Variants in TMCO5A observed in about 807,000 individuals in gnomAD.
TMCO5A encodes the protein transmembrane and coiled-coil domain-containing protein 5A.
Under a neutral mutation model 42.3 loss-of-function variants are expected in TMCO5A, and 34 were observed. The ratio of observed to expected loss-of-function variants is 0.80; its 90% CI spans 0.61 to 1.07. The LOEUF (loss-of-function observed/expected upper bound fraction) is 1.07. TMCO5A is among the 50% of genes least tolerant of loss of function. TMCO5A has a pLI of 0.00. For synonymous variants in TMCO5A, 131 were observed against 115.6 expected (o/e 1.13, Z -0.86); for missense variants, 357 against 327.9 (o/e 1.09, Z -0.69).
intron 8 of TMCO5A, 33 bp downstream of exon 8, chr15:37,941,763 T>C: frequency 6.5e-7 from 1 of 1,536,132 alleles, no homozygotes; most frequent in Non-Finnish European, 9.0e-7. Flanking sequence ...TAGCAAAGGG[T>C]TTATTAAGGT....
At chr15:38,035,210 A>T in the TMCO5A span, among the ~76,000 whole-genome samples, 9 of 152,228 alleles carry the variant, frequency 5.9e-5, no homozygotes, top group Non-Finnish European at 1.3e-4. Flanking sequence ...ACATCCAAAC[A>T]TATGCAAGTA....
the TMCO5A span, among the ~76,000 whole-genome samples, chr15:38,020,924 G>C: frequency 6.6e-6 from 1 of 152,052 alleles, no homozygotes; most frequent in African/African-American, 2.4e-5. Context: ...ACTGTGGATG[G>C]ATCAGCAATA....
chr15:37,940,121 T>C (rs546202076), intron 6 of TMCO5A, among the ~76,000 whole-genome samples: 1 of 152,122 alleles, frequency 6.6e-6, no homozygotes, highest in East Asian at 1.9e-4. Flanking sequence ...CTACTCTCAC[T>C]CCCAAACAAT....
At chr15:37,993,292 G>A in the TMCO5A span, 2 of 150,868 alleles carry the variant, frequency 1.3e-5, no homozygotes, top group Admixed American at 6.6e-5. Context: ...GATGTTTCTT[G>A]TTGAAAATTG....
chr15:38,008,105 C>T, the TMCO5A span, among the ~76,000 whole-genome samples: 1 of 151,646 alleles, frequency 6.6e-6, no homozygotes, highest in African/African-American at 2.4e-5. Flanking sequence ...CCATGTTAGC[C>T]GGGATGGTCT....
At chr15:38,022,734 G>A in the TMCO5A span, among the ~76,000 whole-genome samples, 2 of 152,082 alleles carry the variant, frequency 1.3e-5, no homozygotes, top group African/African-American at 4.8e-5. Flanking sequence ...GTTGATAATG[G>A]GGGAGGTTAT....
the TMCO5A span, among the ~76,000 whole-genome samples, chr15:38,025,890 CA>C: frequency 6.6e-6 from 1 of 152,200 alleles, no homozygotes; most frequent in South Asian, 2.1e-4. Context: ...ATGCTTTTAT[CA>C]GGGGTTTCTG....
intron 10 of TMCO5A, among the ~76,000 whole-genome samples, chr15:37,946,762 T>C (rs779792807): frequency 6.6e-6 from 1 of 152,076 alleles, no homozygotes; most frequent in Admixed American, 6.6e-5. Flanking sequence ...ACTGAGATGA[T>C]GGGGTTTTCT....
the TMCO5A span, among the ~76,000 whole-genome samples, chr15:37,972,989 T>C: frequency 6.6e-6 from 1 of 152,158 alleles, no homozygotes; most frequent in Non-Finnish European, 1.5e-5. Flanking sequence ...TTAATCTTCT[T>C]CACAGGGCTA....
chr15:37,938,200 A>G lies in TMCO5A; in HGVS notation c.358A>G (p.Ser120Gly), dbSNP rs1226996899. 1 of 1,582,510 alleles carries G rather than the reference A, an allele frequency of 6.3e-7. No homozygotes were observed. The highest frequency in any genetic ancestry group is 1.2e-5 in the South Asian group (1 of 86,612). Residue 120 changes from serine (S) to glycine (G), a missense_variant, in exon 6 of 12, where the codon AGT becomes GGT. Physicochemically the swap from Ser to Gly is moderately conservative, Grantham distance 56 (BLOSUM62 0). Transcript: ENST00000319669. ...SQKITNCEQS[S>G]PDGALEETKV... is the part of the protein sequence containing the mutation. ...AAAGATAACCAATTGTGAACAAAGC[A>G]GTCCAGATGGAGCCCTAGAAGAGAC...
the TMCO5A span, among the ~76,000 whole-genome samples, chr15:38,024,208 C>T: frequency 6.6e-6 from 1 of 152,166 alleles, no homozygotes; most frequent in African/African-American, 2.4e-5. Context: ...TGCCACTGAG[C>T]TTCTCCAGGA....
the TMCO5A span, among the ~76,000 whole-genome samples, chr15:38,025,521 G>A: frequency 0.17 from 25,415 of 151,868 alleles, 2,448 homozygotes; most frequent in Middle Eastern, 0.28. Flanking sequence ...GGAGGAATAG[G>A]GAAAAATACA....
intron 9 of TMCO5A, 87 bp from the exon 10 acceptor site, chr15:37,943,254 T>C: frequency 7.9e-7 from 1 of 1,265,514 alleles, no homozygotes; most frequent in African/African-American, 1.5e-5. Flanking sequence ...AGATTTAGAA[T>C]ATAAAGCTTT....
chr15:37,935,197 T>C (rs1427950321), intron 1 of TMCO5A, 60 bp from the exon 2 acceptor site: 2 of 152,160 alleles, frequency 1.3e-5, no homozygotes, highest in East Asian at 1.9e-4. Flanking sequence ...CCCTAGTTAC[T>C]GTATTCATAA....
At chr15:37,955,287 T>C (rs566440172), downstream of TMCO5A, among the ~76,000 whole-genome samples, 16 of 147,054 alleles carry the variant, frequency 1.1e-4, no homozygotes, top group East Asian at 3.0e-3. Context: ...TTAACAAGAT[T>C]GAACCATGAA....
At chr15:38,007,872 C>CTTTTTTTTTTTT in the TMCO5A span, among the ~76,000 whole-genome samples, 13 of 47,406 alleles carry the variant, frequency 2.7e-4, 4 homozygotes, top group Non-Finnish European at 3.7e-4. Flanking sequence ...CTCACCCACA[C>CTTTTTTTTTTTT]TTTTTTTTTT....
At chr15:37,944,794 G>A (rs1889877851) in intron 10 of TMCO5A, among the ~76,000 whole-genome samples, 1 of 152,014 alleles carries the variant, frequency 6.6e-6, no homozygotes, top group Non-Finnish European at 1.5e-5. Context: ...AAAGGACAAT[G>A]AAATAACTGA....
intron 11 of TMCO5A, 85 bp from the exon 12 acceptor site, chr15:37,950,951 C>T: frequency 8.6e-7 from 1 of 1,159,634 alleles, no homozygotes; most frequent in Non-Finnish European, 1.3e-6. Context: ...CAATTAGGAG[C>T]CAGATATGCA....
chr15:37,960,495 A>C (rs1359148034), intron 11 of TMCO5A, among the ~76,000 whole-genome samples: 1 of 152,024 alleles, frequency 6.6e-6, no homozygotes, highest in South Asian at 2.1e-4. Context: ...TATAAACATG[A>C]GTGTGCAAAT....
Sources: gnomAD v4.1 joint callset for allele counts (sites outside exome capture counted in the v4.1 genomes callset) on GRCh38, gnomAD v4.1.1 for gene constraint, MANE v1.5 for transcripts, NCBI Gene and HGNC (gene_info 2026-07-23, HGNC 2026-07-21) for gene names.